Variants in TFDP2 observed in about 807,000 individuals in gnomAD.
TFDP2 encodes the protein transcription factor Dp-2 (E2F dimerization partner 2).
A neutral mutation model predicts 59.3 loss-of-function variants in TFDP2; 17 were observed. The observed-to-expected ratio is 0.29, with a 90% confidence interval of 0.20 to 0.43. TFDP2 has a LOEUF of 0.43. Ranked by LOEUF, TFDP2 falls within the 20% of genes least tolerant of loss-of-function variation. The pLI, the probability that TFDP2 is intolerant of heterozygous loss-of-function variation, is 1.00. For missense variants in TFDP2, 391 were observed against 528.8 expected (o/e 0.74, Z 2.56); for synonymous variants, 180 against 194.7 (o/e 0.92, Z 0.63).
chr3:142,052,265 C>G (rs377148823), intron 3 of TFDP2, among the ~76,000 whole-genome samples: 1 of 151,952 alleles, frequency 6.6e-6, no homozygotes, highest in Non-Finnish European at 1.5e-5. Flanking sequence ...TGGCCGTGCG[C>G]GGTGGCTCAC....
chr3:141,983,849 T>C (rs1223502721), intron 6 of TFDP2, among the ~76,000 whole-genome samples: 1 of 152,148 alleles, frequency 6.6e-6, no homozygotes, highest in African/African-American at 2.4e-5. Context: ...GCACCCATTA[T>C]GCACTGCTGG....
chr3:142,033,163 C>G (rs1946519901), intron 3 of TFDP2, among the ~76,000 whole-genome samples: 1 of 152,098 alleles, frequency 6.6e-6, no homozygotes, highest in Admixed American at 6.6e-5. Flanking sequence ...CCACTGCACT[C>G]CAGCCTGGGC....
chr3:142,007,949 C>A (rs9822044), intron 3 of TFDP2, among the ~76,000 whole-genome samples: 1 of 152,186 alleles, frequency 6.6e-6, no homozygotes, highest in Non-Finnish European at 1.5e-5. Context: ...TGTGGCCCAG[C>A]TCCTAACAGG....
intron 8 of TFDP2, among the ~76,000 whole-genome samples, chr3:141,971,607 T>A (rs1001054974): frequency 6.6e-6 from 1 of 151,704 alleles, no homozygotes; most frequent in Non-Finnish European, 1.5e-5. Context: ...GCTCCTGCAC[T>A]AAGCTCAACA....
rs374992052 is a variant in TFDP2 at position 142,045,435 on chromosome 3, C to T, written c.83-39891G>A. Among the ~76,000 whole-genome samples the T allele has an allele frequency of 4.6e-5, 7 of 152,206 alleles. No homozygotes were observed. The East Asian group carries it at 9.7e-4, about 21-fold the overall frequency. ...TTGGCCTCCCAAAGTGCTGCGATTACAGGTGTGAGCCACCACACCTGGTCG... is the reference window on the plus strand; with the variant it reads ...TTGGCCTCCCAAAGTGCTGCGATTATAGGTGTGAGCCACCACACCTGGTCG... On this transcript the variant is annotated intron_variant, in intron 3 of 12. Transcript: ENST00000489671.
chr3:141,970,041 G>A lies in TFDP2; in HGVS notation c.732+32C>T, dbSNP rs192679928. 79 of 1,594,730 alleles carry A rather than the reference G, an allele frequency of 5.0e-5. No individual in the cohort carries two copies. The African/African-American group carries it at 1.0e-3, about 20-fold the overall frequency. On this transcript the variant is annotated intron_variant, in intron 9 of 12. Coordinates refer to ENST00000489671, the MANE Select transcript of TFDP2 (RefSeq NM_001178139.2). ...CAAAAGGCAGCAAGTGGAGAAACAG[G>A]GAAGGTAATGAAAACATCTCGGTAT...
chr3:142,082,982 C>CA (rs141968180), intron 3 of TFDP2, among the ~76,000 whole-genome samples: 1,870 of 152,264 alleles, frequency 0.012, 41 homozygotes, highest in African/African-American at 0.043. Context: ...CTACTTTCAA[C>CA]ACTGTTATTC....
At chr3:142,039,243 T>C (rs979301531) in intron 3 of TFDP2, among the ~76,000 whole-genome samples, 4 of 152,250 alleles carry the variant, frequency 2.6e-5, no homozygotes, top group African/African-American at 9.6e-5. Context: ...CCCATTCTGC[T>C]GCCCTATTTT....
intron 3 of TFDP2, among the ~76,000 whole-genome samples, chr3:142,084,017 G>A (rs557501609): frequency 3.3e-5 from 5 of 152,220 alleles, no homozygotes; most frequent in African/African-American, 7.2e-5. Flanking sequence ...AACATACCAA[G>A]TAAAACGTTC....
At chr3:142,000,495 T>C (rs909774679) in intron 4 of TFDP2, 2 of 453,596 alleles carry the variant, frequency 4.4e-6, no homozygotes, top group East Asian at 6.5e-5. Context: ...AGGGATTAGG[T>C]TTCAACATGA....
In TFDP2 at chr3:141,948,217, T is replaced by A. The variant is rs958038541; in HGVS notation, c.*4296A>T. 4 of 152,058 alleles carry A rather than the reference T, an allele frequency of 2.6e-5. No homozygotes were observed. Among genetic ancestry groups the A allele is most frequent in the Non-Finnish European group, 5.9e-5 (4 of 68,046 alleles). The allele number at this position is 152,058 out of a possible 1,614,324, so 9.4% of individuals were successfully genotyped here. On this transcript the variant is annotated 3_prime_UTR_variant, in exon 13 of 13. Transcript: ENST00000489671. ...TTAGGGGAGGGAGCTTGATAGATAT[T>A]AAAGGGCCCTTGAAAGGAAATAATT...
intron 3 of TFDP2, among the ~76,000 whole-genome samples, chr3:142,024,409 A>G (rs776098333): frequency 6.6e-4 from 101 of 152,132 alleles, no homozygotes; most frequent in South Asian, 1.7e-3. Flanking sequence ...AAAGCACCAT[A>G]CTCATACTGG....
At chr3:141,990,099 G>T (rs1032713156) in intron 6 of TFDP2, among the ~76,000 whole-genome samples, 3 of 151,922 alleles carry the variant, frequency 2.0e-5, no homozygotes, top group Non-Finnish European at 2.9e-5. Context: ...TCACCAGGTT[G>T]GCCAGGCTGG....
chr3:142,003,076 CACT>C (rs938281291), intron 4 of TFDP2, among the ~76,000 whole-genome samples: 3 of 151,644 alleles, frequency 2.0e-5, no homozygotes, highest in African/African-American at 7.3e-5. Flanking sequence ...GATCTCTGCT[CACT>C]ACAACTTCTT....
chr3:141,957,844 G>A (rs1420968195), intron 11 of TFDP2, among the ~76,000 whole-genome samples: 1 of 152,190 alleles, frequency 6.6e-6, no homozygotes, highest in Non-Finnish European at 1.5e-5. Context: ...CTGTTAATGG[G>A]TTTGGGTTTC....
chr3:142,022,339 C>T (rs145925151), intron 3 of TFDP2, among the ~76,000 whole-genome samples: 10 of 152,262 alleles, frequency 6.6e-5, no homozygotes, highest in South Asian at 2.1e-4. Flanking sequence ...AAGGAAATAA[C>T]GAAATGCAAG....
intron 1 of TFDP2, among the ~76,000 whole-genome samples, chr3:142,119,564 C>A (rs563533568): frequency 6.6e-6 from 1 of 152,268 alleles, no homozygotes; most frequent in East Asian, 1.9e-4. Context: ...ATAGAATTAC[C>A]ATTTGATCAA....
chr3:142,069,672 A>G (rs971397066), intron 3 of TFDP2, among the ~76,000 whole-genome samples: 3 of 149,420 alleles, frequency 2.0e-5, no homozygotes, highest in Non-Finnish European at 4.4e-5. Flanking sequence ...CAATGGTGCT[A>G]TCTCAACTCA....
At chr3:142,138,871 G>C (rs2062830024) in intron 1 of TFDP2, among the ~76,000 whole-genome samples, 1 of 152,200 alleles carries the variant, frequency 6.6e-6, no homozygotes, top group African/African-American at 2.4e-5. Context: ...GAGTTCTGTA[G>C]ATGTCTACTA....
Sources: allele counts gnomAD v4.1 joint callset (sites outside exome capture counted in the v4.1 genomes callset), GRCh38; gene constraint gnomAD v4.1.1; transcripts MANE v1.5; gene names NCBI Gene and HGNC (gene_info 2026-07-23, HGNC 2026-07-21).